The following ARL8B variants were observed in gnomAD, a reference collection of about 807,000 sequenced individuals.
ARL8B encodes ADP-ribosylation factor-like protein 8B.
In ARL8B, 9 loss-of-function variants were observed where a neutral mutation model predicts 30.6. The ratio of observed to expected loss-of-function variants is 0.29; its 90% CI spans 0.18 to 0.51. The LOEUF (loss-of-function observed/expected upper bound fraction) is 0.51. Among genes scored for constraint, ARL8B ranks in the 20% least tolerant of loss-of-function variants. The pLI, the probability that ARL8B is intolerant of heterozygous loss-of-function variation, is 0.97. For missense variants in ARL8B, 130 were observed against 227.2 expected (o/e 0.57, Z 2.75); for synonymous variants, 74 against 76.0 (o/e 0.97, Z 0.14).
chr3:5,158,128 A>C (rs1280100332), intron 1 of ARL8B, among the ~76,000 whole-genome samples: 1 of 152,068 alleles, frequency 6.6e-6, no homozygotes, highest in Admixed American at 6.6e-5. Flanking sequence ...GGTGCTCACC[A>C]CTTTGCCACC....
chr3:5,132,323 C>T (rs1478234730), intron 1 of ARL8B, among the ~76,000 whole-genome samples: 4 of 151,968 alleles, frequency 2.6e-5, no homozygotes, highest in African/African-American at 4.8e-5. Context: ...GGCGCGATCT[C>T]GGCTCACTAC....
chr3:5,136,839 C>G (rs1266806746), intron 1 of ARL8B, among the ~76,000 whole-genome samples: 1 of 152,100 alleles, frequency 6.6e-6, no homozygotes, highest in Non-Finnish European at 1.5e-5. Context: ...ACTCCTTTCC[C>G]CCTAGATGGC....
intron 1 of ARL8B, among the ~76,000 whole-genome samples, chr3:5,130,366 C>A (rs936740124): frequency 2.0e-5 from 3 of 151,732 alleles, no homozygotes; most frequent in African/African-American, 7.3e-5. Context: ...CCAGGCAAGC[C>A]ATGTAAATAT....
At chr3:5,148,775 A>G (rs765281290) in intron 1 of ARL8B, among the ~76,000 whole-genome samples, 4 of 152,214 alleles carry the variant, frequency 2.6e-5, no homozygotes, top group Admixed American at 2.0e-4. Context: ...TCTTTGGGCC[A>G]GATAAAACAG....
chr3:5,154,308 T>C (rs549582798), intron 1 of ARL8B, among the ~76,000 whole-genome samples: 75 of 151,826 alleles, frequency 4.9e-4, no homozygotes, highest in African/African-American at 1.5e-3. Context: ...GTTCATTTTT[T>C]AAAAAAAAAT....
At chr3:5,152,308 C>T (rs933713877) in intron 1 of ARL8B, among the ~76,000 whole-genome samples, 6 of 152,096 alleles carry the variant, frequency 3.9e-5, no homozygotes, top group Non-Finnish European at 5.9e-5. Context: ...TTGGTGAATT[C>T]ATCCTTTTAT....
At chr3:5,169,296 A>G (rs1282713499) in intron 1 of ARL8B, among the ~76,000 whole-genome samples, 1 of 143,380 alleles carries the variant, frequency 7.0e-6, no homozygotes, top group Non-Finnish European at 1.5e-5. Flanking sequence ...ATAAAGTGAA[A>G]TACAGTGTTT....
At chr3:5,142,070 T>C (rs1002590888) in intron 1 of ARL8B, among the ~76,000 whole-genome samples, 4 of 152,132 alleles carry the variant, frequency 2.6e-5, no homozygotes, top group African/African-American at 9.7e-5. Flanking sequence ...CGTGTGTGTT[T>C]TCAGGTATCT....
chr3:5,159,628 GAAA>G (rs2054564159), intron 1 of ARL8B, among the ~76,000 whole-genome samples: 2 of 135,450 alleles, frequency 1.5e-5, no homozygotes, highest in Non-Finnish European at 3.2e-5. Flanking sequence ...AAAAAAAAGA[GAAA>G]AAGAAAAAAG....
intron 1 of ARL8B, among the ~76,000 whole-genome samples, chr3:5,151,990 A>G (rs1173452985): frequency 6.6e-6 from 1 of 152,210 alleles, no homozygotes; most frequent in Non-Finnish European, 1.5e-5. Flanking sequence ...GACTGTAGGC[A>G]TGAGCCATTG....
In ARL8B at chr3:5,176,269, C is replaced by T. The variant is rs116828169; in HGVS notation, c.511+1855C>T. 1.7e-3 allele frequency among the ~76,000 whole-genome samples: 252 copies of T among 152,198 alleles called. 1 individual carries two copies. Among genetic ancestry groups the T allele is most frequent in the African/African-American group, 5.8e-3 (241 of 41,514 alleles). ...TTTTTAAGATGGAGTCTCACTCTGTCGCCGTGGCTGGAGTGCAGTGGCAAG... is the reference window on the plus strand; with the variant it reads ...TTTTTAAGATGGAGTCTCACTCTGTTGCCGTGGCTGGAGTGCAGTGGCAAG... On this transcript the variant is annotated intron_variant, in intron 6 of 6. Coordinates refer to ENST00000256496, the MANE Select transcript of ARL8B (RefSeq NM_018184.3).
In ARL8B at chr3:5,168,785, G is replaced by A. The variant is rs116547438; in HGVS notation, c.124-1718G>A. Reference sequence around the variant, plus strand: ...GTGGGAAGTTAGCCAAGTGTATATTGCCTTTTAGAAAGCTTTCCATGCAAG... The same window carrying A: ...GTGGGAAGTTAGCCAAGTGTATATTACCTTTTAGAAAGCTTTCCATGCAAG... On this transcript the variant is annotated intron_variant, in intron 1 of 6. Transcript: ENST00000256496. Among the ~76,000 whole-genome samples, 1,406 of 152,230 alleles carry A rather than the reference G, an allele frequency of 9.2e-3. 19 individuals are homozygous for A. Among genetic ancestry groups the A allele is most frequent in the African/African-American group, 0.031 (1,306 of 41,526 alleles).
intron 1 of ARL8B, among the ~76,000 whole-genome samples, chr3:5,135,702 C>T (rs1430247707): frequency 6.6e-6 from 1 of 151,610 alleles, no homozygotes; most frequent in Non-Finnish European, 1.5e-5. Flanking sequence ...TGTGATCTGC[C>T]TGCCTCGGCC....
chr3:5,178,658 CT>C lies in ARL8B; in HGVS notation c.512-3del. The C allele has an allele frequency of 6.2e-7, 1 of 1,603,582 alleles. No homozygotes were observed. Among genetic ancestry groups the C allele is most frequent in the South Asian group, 1.1e-5 (1 of 89,120 alleles). ...TAATGTCTTCACTTTTCCCCTCTATCTTTAGATATCACACTTCAGTGGCTTA... is the reference window on the plus strand; with the variant it reads ...TAATGTCTTCACTTTTCCCCTCTATCTTAGATATCACACTTCAGTGGCTTA... On this transcript the variant is annotated splice_region_variant and splice_polypyrimidine_tract_variant and intron_variant, in intron 6 of 6. Coordinates refer to ENST00000256496, the MANE Select transcript of ARL8B (RefSeq NM_018184.3).
intron 1 of ARL8B, among the ~76,000 whole-genome samples, chr3:5,143,437 C>T (rs951113634): frequency 3.9e-5 from 6 of 152,202 alleles, no homozygotes; most frequent in African/African-American, 1.2e-4. Flanking sequence ...AGCCAACGTG[C>T]AATCCACTTC....
intron 1 of ARL8B, among the ~76,000 whole-genome samples, chr3:5,166,177 T>C (rs2054622146): frequency 6.6e-6 from 1 of 151,164 alleles, no homozygotes; most frequent in African/African-American, 2.4e-5. Context: ...GTAGTTGGGA[T>C]TACAGGCACG....
chr3:5,125,799 C>G (rs2054225793), intron 1 of ARL8B, among the ~76,000 whole-genome samples: 2 of 152,124 alleles, frequency 1.3e-5, no homozygotes, highest in South Asian at 4.1e-4. Context: ...TCCCAAAATG[C>G]TGGGATTACA....
chr3:5,176,463 T>G (rs2106574436), intron 6 of ARL8B, among the ~76,000 whole-genome samples: 1 of 152,282 alleles, frequency 6.6e-6, no homozygotes, highest in East Asian at 1.9e-4. Context: ...ACTCCTGACC[T>G]CAGGTGATGC....
intron 1 of ARL8B, among the ~76,000 whole-genome samples, chr3:5,152,648 G>C (rs908332226): frequency 6.6e-6 from 1 of 152,140 alleles, no homozygotes; most frequent in African/African-American, 2.4e-5. Context: ...GCCACACCTA[G>C]CTAATTTTTA....
Sources: allele counts gnomAD v4.1 joint callset (sites outside exome capture counted in the v4.1 genomes callset), GRCh38; gene constraint gnomAD v4.1.1; transcripts MANE v1.5; gene names NCBI Gene and HGNC (gene_info 2026-07-23, HGNC 2026-07-21).